The following PPFIA1 variants were observed in gnomAD, a reference collection of about 807,000 sequenced individuals.
The protein encoded by PPFIA1 is liprin-alpha-1.
PPFIA1 carries 25 observed loss-of-function variants against 149.9 expected under a neutral mutation model. The observed-to-expected ratio is 0.17, with a 90% CI of 0.12 to 0.23. The LOEUF (loss-of-function observed/expected upper bound fraction) is 0.23, where lower values mean the gene tolerates loss of function less well. Ranked by LOEUF, PPFIA1 falls within the 10% of genes least tolerant of loss-of-function variation. The probability of loss-of-function intolerance (pLI) is 1.00; values close to 1 mark genes in which losing one functional copy is unlikely to be tolerated. For synonymous variants in PPFIA1, 549 were observed against 552.8 expected (o/e 0.99, Z 0.10); for missense variants, 1,362 against 1,506.5 (o/e 0.90, Z 1.59).
chr11:70,330,951 C>T (rs2054615467), intron 8 of PPFIA1, among the ~76,000 whole-genome samples: 1 of 151,438 alleles, frequency 6.6e-6, no homozygotes, highest in East Asian at 1.9e-4. Context: ...ATAAAAAATG[C>T]GGCCAGGCGC....
At chr11:70,288,022 C>A (rs569480424) in intron 2 of PPFIA1, among the ~76,000 whole-genome samples, 2 of 151,238 alleles carry the variant, frequency 1.3e-5, no homozygotes, top group East Asian at 3.9e-4. Context: ...TGCGCTGGGG[C>A]TCAACATCTC....
intron 19 of PPFIA1, among the ~76,000 whole-genome samples, chr11:70,357,578 T>C (rs1448014264): frequency 6.6e-6 from 1 of 150,666 alleles, no homozygotes; most frequent in Non-Finnish European, 1.5e-5. Context: ...ATGCTTGAAC[T>C]GTGTAAGAAT....
chr11:70,276,019 A>G (rs1226634873), intron 2 of PPFIA1, among the ~76,000 whole-genome samples: 1 of 152,216 alleles, frequency 6.6e-6, no homozygotes, highest in Non-Finnish European at 1.5e-5. Context: ...TTTAAAAACC[A>G]TGAGCAGGTA....
intron 23 of PPFIA1, 50 bp downstream of exon 23, chr11:70,372,624 G>A (rs760095390): frequency 6.9e-7 from 1 of 1,456,364 alleles, no homozygotes; most frequent in Admixed American, 1.8e-5. Flanking sequence ...TTGCTGGTGT[G>A]TTTGGAGCCT....
chr11:70,372,848 T>G (rs2057330460), intron 23 of PPFIA1, among the ~76,000 whole-genome samples: 1 of 152,186 alleles, frequency 6.6e-6, no homozygotes, highest in African/African-American at 2.4e-5. Context: ...GAGTTTTCCT[T>G]TGGTCATGCC....
chr11:70,284,666 G>A (rs767626164), intron 2 of PPFIA1, among the ~76,000 whole-genome samples: 1 of 152,198 alleles, frequency 6.6e-6, no homozygotes, highest in African/African-American at 2.4e-5. Flanking sequence ...TGAGGCTTTC[G>A]AGGGGATTGG....
intron 2 of PPFIA1, among the ~76,000 whole-genome samples, chr11:70,295,255 G>A (rs1292184191): frequency 1.5e-5 from 2 of 135,500 alleles, no homozygotes; most frequent in Non-Finnish European, 3.2e-5. Flanking sequence ...CCTCCCTCCC[G>A]GACGGGGTGG....
At chr11:70,353,150 C>A (rs1435098687) in intron 16 of PPFIA1, among the ~76,000 whole-genome samples, 1 of 152,172 alleles carries the variant, frequency 6.6e-6, no homozygotes, top group Non-Finnish European at 1.5e-5. Context: ...TGCACTTGGT[C>A]CTCCCTGAGC....
intron 2 of PPFIA1, among the ~76,000 whole-genome samples, chr11:70,316,008 C>T (rs1054090263): frequency 5.9e-5 from 9 of 152,218 alleles, no homozygotes; most frequent in African/African-American, 2.2e-4. Context: ...TTATTTCACT[C>T]AGCCCAACAT....
At chr11:70,291,043 G>A (rs758514967) in intron 2 of PPFIA1, among the ~76,000 whole-genome samples, 1 of 152,032 alleles carries the variant, frequency 6.6e-6, no homozygotes, top group Non-Finnish European at 1.5e-5. Context: ...ATGCCACCAC[G>A]CCTGGCTAAT....
Position 70,356,218 on chromosome 11 carries a change from G to A in PPFIA1, c.2546G>A (p.Gly849Glu), listed in dbSNP as rs1294086769. Residue 849 changes from glycine to glutamate, a missense_variant, in exon 19 of 28, where the codon GGG becomes GAG. Gly to Glu is a moderately conservative substitution (Grantham distance 98). Around this residue, in one of 7 missense-constraint regions of PPFIA1, gnomAD observed 91 missense variants for 91.2 expected, o/e 1.00. Coordinates refer to ENST00000253925, the MANE Select transcript of PPFIA1 (RefSeq NM_003626.5). ...SQDALGLSKL[G>E]GQAEKNRKLQ... Reference sequence around the variant, plus strand: ...GATGCCTTGGGACTTAGCAAATTGGGGGGACAGGCTGAAAAAAATCGTAAA... The same window carrying A: ...GATGCCTTGGGACTTAGCAAATTGGAGGGACAGGCTGAAAAAAATCGTAAA... The A allele has an allele frequency of 6.2e-7, 1 of 1,613,842 alleles. No individual in the cohort carries two copies. The highest frequency in any genetic ancestry group is 8.5e-7 in the Non-Finnish European group (1 of 1,179,994).
intron 9 of PPFIA1, chr11:70,332,909 C>A: frequency 2.5e-6 from 1 of 405,914 alleles, no homozygotes; most frequent in Non-Finnish European, 5.1e-6. Flanking sequence ...TTCCTTCTAG[C>A]AAGTTTGTTG....
chr11:70,354,504 G>C (rs376727988), intron 17 of PPFIA1, 52 bp downstream of exon 17: 55 of 1,532,236 alleles, frequency 3.6e-5, no homozygotes, highest in Non-Finnish European at 4.7e-5. Flanking sequence ...TTTCGTTTCT[G>C]GTGTTGAGAA....
chr11:70,357,285 A>C (rs1411534027), intron 19 of PPFIA1, among the ~76,000 whole-genome samples: 1 of 152,186 alleles, frequency 6.6e-6, no homozygotes, highest in Non-Finnish European at 1.5e-5. Flanking sequence ...ACCAGTGCTC[A>C]TCTGGAAATT....
chr11:70,306,030 T>C (rs1304205481), intron 2 of PPFIA1, among the ~76,000 whole-genome samples: 1 of 152,224 alleles, frequency 6.6e-6, no homozygotes, highest in Admixed American at 6.5e-5. Context: ...AAGTAATGTT[T>C]TGTTTTTAGA....
intron 19 of PPFIA1, 69 bp downstream of exon 19, chr11:70,356,323 T>C: frequency 1.7e-6 from 2 of 1,178,864 alleles, no homozygotes; most frequent in East Asian, 2.3e-5. Context: ...AACTAGTGTT[T>C]GTTAATTATA....
At chr11:70,285,272 G>C (rs955050801) in intron 2 of PPFIA1, among the ~76,000 whole-genome samples, 6 of 151,998 alleles carry the variant, frequency 3.9e-5, no homozygotes, top group African/African-American at 1.4e-4. Context: ...GTTTTTAAAA[G>C]ATCATGCTAT....
intron 2 of PPFIA1, among the ~76,000 whole-genome samples, chr11:70,276,975 C>T (rs2050412651): frequency 7.6e-6 from 1 of 131,962 alleles, no homozygotes; most frequent in Admixed American, 7.5e-5. Context: ...TTTCTACTTA[C>T]ATTTGTTTTC....
chr11:70,307,939 A>G (rs1416270741), intron 2 of PPFIA1, among the ~76,000 whole-genome samples: 8 of 152,208 alleles, frequency 5.3e-5, no homozygotes, highest in Non-Finnish European at 1.5e-5. Flanking sequence ...AAGCAAAGAA[A>G]AAAGCTCTGT....
Sources: gnomAD v4.1 joint callset for allele counts (sites outside exome capture counted in the v4.1 genomes callset) on GRCh38, gnomAD v4.1.1 for gene constraint, gnomAD v4.1.1 regional missense constraint, MANE v1.5 for transcripts, NCBI Gene and HGNC (gene_info 2026-07-23, HGNC 2026-07-21) for gene names.